PLAA: variants seen among roughly 807,000 people sequenced by gnomAD.
PLAA encodes phospholipase A2 activating protein.
PLAA carries 48 observed loss-of-function variants against 84.1 expected under a neutral mutation model. The ratio of observed to expected loss-of-function variants is 0.57; its 90% confidence interval spans 0.45 to 0.73. PLAA has a LOEUF of 0.73. Ranked by LOEUF, PLAA falls within the 30% of genes least tolerant of loss-of-function variation. The pLI is 0.00. For missense variants in PLAA, 903 were observed against 954.7 expected (o/e 0.95, Z 0.71); for synonymous variants, 392 against 336.6 (o/e 1.16, Z -1.80).
intron 10 of PLAA, chr9:26,915,899 G>A (rs1824537677): frequency 2.3e-5 from 23 of 985,358 alleles, no homozygotes; most frequent in Non-Finnish European, 2.8e-5. Context: ...TTAAGTTTCA[G>A]GGCATCACTG....
At position 26,935,027 on chromosome 9, in the gene PLAA, C is replaced by T; in HGVS notation, c.329G>A (p.Gly110Asp). 3.8e-6 allele frequency: 6 copies of T among 1,589,606 alleles called. No individual in the cohort carries two copies. Among genetic ancestry groups the T allele is most frequent in the Non-Finnish European group, 5.1e-6 (6 of 1,171,312 alleles). ...ATTATACTCACCAGTATTTTTGTGG[C>T]CTTTTAGAATATAAAGTGGCATTGG... is the stretch of plus-strand genomic sequence containing the variant. ...DSPMPLYILK[G>D]HKNTVCSLSS... Residue 110 changes from glycine to aspartate, a missense_variant, in exon 2 of 14, where the codon GGC (glycine) becomes GAC (aspartate). Coordinates refer to ENST00000397292, the MANE Select transcript of PLAA (RefSeq NM_001031689.3).
chr9:26,926,637 T>A, intron 4 of PLAA, 77 bp from the exon 5 acceptor site: 2 of 1,045,844 alleles, frequency 1.9e-6, no homozygotes, highest in Non-Finnish European at 2.8e-6. Context: ...ACTAACATTA[T>A]AAAACATATC....
chr9:26,917,571 T>C (rs1253313600), intron 9 of PLAA, among the ~76,000 whole-genome samples: 1 of 152,214 alleles, frequency 6.6e-6, no homozygotes, highest in East Asian at 1.9e-4. Context: ...TGTTAATCAT[T>C]TAGAGCTCTA....
chr9:26,909,770 C>T (rs1027898004), intron 12 of PLAA, among the ~76,000 whole-genome samples: 6 of 151,882 alleles, frequency 4.0e-5, no homozygotes, highest in Admixed American at 2.0e-4. Flanking sequence ...ATTACAGGCG[C>T]CCACCACCAC....
intron 10 of PLAA, among the ~76,000 whole-genome samples, chr9:26,914,197 G>T (rs535976741): frequency 6.6e-6 from 1 of 152,186 alleles, no homozygotes; most frequent in Non-Finnish European, 1.5e-5. Context: ...CTACAAAAAT[G>T]TAAGTGGATT....
intron 9 of PLAA, among the ~76,000 whole-genome samples, chr9:26,918,604 C>G (rs1824652248): frequency 6.6e-6 from 1 of 152,104 alleles, no homozygotes; most frequent in Non-Finnish European, 1.5e-5. Context: ...CCTCGTAAAA[C>G]AAGGAAGAGC....
chr9:26,934,821 C>A lies in PLAA; in HGVS notation c.343+192G>T, dbSNP rs1825307130. On this transcript the variant is annotated intron_variant, in intron 2 of 13. Transcript: ENST00000397292. ...CTTTTTACATATATAAGCATATCAA[C>A]CTTTACTGATCACAACAAATTTGTA... 3.3e-5 allele frequency among the ~76,000 whole-genome samples: 5 copies of A among 152,122 alleles called. No individual in the cohort carries two copies. In the South Asian group the frequency reaches 1.0e-3, roughly 32 times the overall value.
At chr9:26,910,632 G>A (rs1359762903) in intron 11 of PLAA, among the ~76,000 whole-genome samples, 193 bp from the exon 12 acceptor site, 1 of 151,894 alleles carries the variant, frequency 6.6e-6, no homozygotes, top group Non-Finnish European at 1.5e-5. Context: ...ATATTTTTTG[G>A]TTTTGGGAAT....
intron 2 of PLAA, among the ~76,000 whole-genome samples, chr9:26,928,720 T>C (rs1250871870): frequency 6.6e-6 from 1 of 152,244 alleles, no homozygotes; most frequent in South Asian, 2.1e-4. Context: ...CTTCCAGCTT[T>C]AACAAATCAT....
rs1825746337 is a variant in PLAA at position 26,946,913 on chromosome 9, G to A, written c.133C>T (p.Leu45Phe). Residue 45 changes from leucine (L) to phenylalanine (F), a missense_variant, in exon 1 of 14, where the codon CTC (leucine) becomes TTC (phenylalanine). Physicochemically the swap from Leu to Phe is conservative, Grantham distance 22. Transcript: ENST00000397292. ...AGCGCTCACCTGTCTGGGGCCCAGA[G>A]GCGGGTGGTGCGGTCTCGGGACACG... ...VSVSRDRTTR[L>F]WAPDSPNRSF... is the part of the protein sequence containing the mutation. The A allele has an allele frequency of 1.3e-6, 2 of 1,578,234 alleles. No individual in the cohort carries two copies. The highest frequency in any genetic ancestry group is 1.3e-5 in the African/African-American group (1 of 74,096).
chr9:26,935,338 G>A (rs1236073363), intron 1 of PLAA, 132 bp from the exon 2 acceptor site: 1 of 494,634 alleles, frequency 2.0e-6, no homozygotes, highest in Non-Finnish European at 3.4e-6. Flanking sequence ...AGAATCTATT[G>A]TTTTAAAATT....
At chr9:26,942,627 A>T (rs1364006861) in intron 1 of PLAA, among the ~76,000 whole-genome samples, 1 of 152,230 alleles carries the variant, frequency 6.6e-6, no homozygotes, top group Non-Finnish European at 1.5e-5. Context: ...TCACGCCTGT[A>T]ATCCGAGCAC....
At chr9:26,942,645 G>A (rs1397026202) in intron 1 of PLAA, among the ~76,000 whole-genome samples, 1 of 152,186 alleles carries the variant, frequency 6.6e-6, no homozygotes, top group East Asian at 1.9e-4. Flanking sequence ...CACTTTGGGA[G>A]GCCAAGGCGG....
intron 2 of PLAA, among the ~76,000 whole-genome samples, chr9:26,931,621 T>C (rs547804819): frequency 3.9e-5 from 6 of 152,044 alleles, no homozygotes; most frequent in African/African-American, 9.6e-5. Flanking sequence ...TTACAAGAAA[T>C]ATAGGTGACT....
At position 26,904,638 on chromosome 9, in the gene PLAA, T is replaced by A. The variant is rs546853849; in HGVS notation, c.*873A>T. The A allele has an allele frequency of 6.6e-5, 10 of 152,256 alleles. No homozygotes were observed. The highest frequency in any genetic ancestry group is 1.3e-4 in the Non-Finnish European group (9 of 67,982). 9.4% of individuals were successfully genotyped at this position (152,256 alleles called of 1,614,324 possible). A position where few individuals can be genotyped will look rare whatever the true frequency, so the allele number is the denominator to read the frequency against. On this transcript the variant is annotated 3_prime_UTR_variant, in exon 14 of 14. Coordinates refer to ENST00000397292, the MANE Select transcript of PLAA (RefSeq NM_001031689.3). The stretch of plus-strand genomic sequence containing the variant: ...TGTCTACTATTCTGCCTGGACCACA[T>A]AGAGGGCTCAAAAATAGTAATTTCA...
At chr9:26,906,221 CATAT>C (rs1824232571) in intron 13 of PLAA, 145 bp from the exon 14 acceptor site, 2 of 517,664 alleles carry the variant, frequency 3.9e-6, no homozygotes, top group African/African-American at 3.9e-5. Flanking sequence ...AAAAAAAATG[CATAT>C]ATTTCTGAAA....
chr9:26,923,408 C>T, intron 6 of PLAA, 61 bp from the exon 7 acceptor site: 1 of 1,120,172 alleles, frequency 8.9e-7, no homozygotes, highest in Non-Finnish European at 1.3e-6. Flanking sequence ...CATTATCACA[C>T]CTGAATGATC....
At chr9:26,923,048 A>G in intron 7 of PLAA, 130 bp downstream of exon 7, 2 of 636,196 alleles carry the variant, frequency 3.1e-6, no homozygotes, top group South Asian at 2.3e-5. Context: ...ATTATATGTA[A>G]TAGTAAAAAT....
intron 9 of PLAA, among the ~76,000 whole-genome samples, chr9:26,918,271 C>T (rs1441041316): frequency 1.3e-5 from 2 of 150,168 alleles, no homozygotes; most frequent in African/African-American, 4.9e-5. Context: ...ATCCATCACA[C>T]CTGGCTAATT....
Sources: gnomAD v4.1 joint callset for allele counts (sites outside exome capture counted in the v4.1 genomes callset) on GRCh38, gnomAD v4.1.1 for gene constraint, MANE v1.5 for transcripts, NCBI Gene and HGNC (gene_info 2026-07-23, HGNC 2026-07-21) for gene names.